Variants in EFTUD2 observed in about 807,000 individuals in gnomAD.
The protein encoded by EFTUD2 is elongation factor Tu GTP binding domain containing 2.
EFTUD2 carries 9 observed loss-of-function variants against 114.3 expected under a neutral mutation model. The ratio of observed to expected loss-of-function variants is 0.08; its 90% CI spans 0.05 to 0.14. The LOEUF (loss-of-function observed/expected upper bound fraction) is 0.14, where lower values mean the gene tolerates loss of function less well. Ranked by LOEUF, EFTUD2 falls within the 10% of genes least tolerant of loss-of-function variation. EFTUD2 has a pLI of 1.00. For synonymous variants in EFTUD2, 449 were observed against 462.3 expected (o/e 0.97, Z 0.37); for missense variants, 765 against 1,241.2 (o/e 0.62, Z 5.76).
rs1194559877 is a variant in EFTUD2, at chr17:44,894,224, G to C, written c.105+193C>G. On this transcript the variant is annotated intron_variant, in intron 2 of 27. Coordinates refer to ENST00000426333, the MANE Select transcript of EFTUD2 (RefSeq NM_004247.4). ...CTCCACGAAAAATAAAAAAAAATTA[G>C]CTGGGCATGGTGGTGCATACCTGTA... is the stretch of plus-strand genomic sequence containing the variant. 12 of 525,312 alleles carry C rather than the reference G, an allele frequency of 2.3e-5. No homozygotes were observed. The East Asian group carries it at 3.8e-4, about 17-fold the overall frequency. The allele number at this position is 525,312 out of a possible 1,614,324, so 32.5% of individuals were successfully genotyped here. A position where few individuals can be genotyped will look rare whatever the true frequency, so the allele number is the denominator to read the frequency against.
At chr17:44,869,516 T>C (rs2050809873) in intron 11 of EFTUD2, among the ~76,000 whole-genome samples, 1 of 152,128 alleles carries the variant, frequency 6.6e-6, no homozygotes. Context: ...CCTAGGCTGG[T>C]TTTGAACTCC....
At chr17:44,870,304 A>G (rs1365946096) in intron 11 of EFTUD2, among the ~76,000 whole-genome samples, 1 of 152,078 alleles carries the variant, frequency 6.6e-6, no homozygotes, top group Non-Finnish European at 1.5e-5. Context: ...ACATGCTCAT[A>G]CAATGGACAT....
At chr17:44,863,893 T>C (rs1357725771) in intron 14 of EFTUD2, 111 bp from the exon 15 acceptor site, 1 of 1,430,226 alleles carries the variant, frequency 7.0e-7, no homozygotes, top group Non-Finnish European at 9.4e-7. Context: ...GGACTGATTG[T>C]TAGCTCTAAA....
chr17:44,893,767 T>TGGGGGG (rs775875878), intron 2 of EFTUD2, among the ~76,000 whole-genome samples: 3 of 85,474 alleles, frequency 3.5e-5, no homozygotes, highest in African/African-American at 9.2e-5. Flanking sequence ...TAAAAAAAGG[T>TGGGGGG]GGGGGGGGGG....
rs2051469239 is a variant in EFTUD2, at chr17:44,899,364, C to T, written c.-5+5G>A. The T allele has an allele frequency of 6.6e-6, 1 of 152,334 alleles. No individual in the cohort carries two copies. Among genetic ancestry groups the T allele is most frequent in the Non-Finnish European group, 1.5e-5 (1 of 68,130 alleles). 9.4% of individuals were successfully genotyped at this position (152,334 alleles called of 1,614,324 possible). A position where few individuals can be genotyped will look rare whatever the true frequency, so the allele number is the denominator to read the frequency against. On this transcript the variant is annotated splice_donor_5th_base_variant and intron_variant, in intron 1 of 27. Transcript: ENST00000426333. ...CTTCCGTGCCGCTGACCCGCTTCAA[C>T]TTACCTCTCGCCTGCTCAGCTAAGA...
intron 9 of EFTUD2, among the ~76,000 whole-genome samples, chr17:44,877,769 G>A (rs1341015358): frequency 2.0e-5 from 3 of 151,690 alleles, no homozygotes; most frequent in East Asian, 1.9e-4. Context: ...TTGCGCCACT[G>A]CACTCCAGCC....
chr17:44,853,070 C>T (rs1436068966), intron 25 of EFTUD2, among the ~76,000 whole-genome samples: 5 of 152,006 alleles, frequency 3.3e-5, no homozygotes, highest in South Asian at 2.1e-4. Context: ...TTAGTAGAGA[C>T]GGGGTTTCAC....
At chr17:44,860,931 G>C (rs532252335) in intron 16 of EFTUD2, among the ~76,000 whole-genome samples, 1 of 152,084 alleles carries the variant, frequency 6.6e-6, no homozygotes, top group Non-Finnish European at 1.5e-5. Flanking sequence ...TACTTGCTGC[G>C]TGCCAAGAGC....
At chr17:44,858,301 T>C (rs2050593939) in intron 19 of EFTUD2, among the ~76,000 whole-genome samples, 1 of 152,158 alleles carries the variant, frequency 6.6e-6, no homozygotes, top group Non-Finnish European at 1.5e-5. Context: ...AGTGGCATGA[T>C]CGTAGCTCAC....
At chr17:44,867,786 A>G (rs2050776400) in intron 13 of EFTUD2, 21 bp downstream of exon 13, 1 of 1,550,518 alleles carries the variant, frequency 6.4e-7, no homozygotes, top group Middle Eastern at 2.2e-4. Flanking sequence ...AGATCTGCCC[A>G]GTGTGACCTG....
At position 44,872,460 on chromosome 17, in the gene EFTUD2, T is replaced by C. The variant is rs2050872591; in HGVS notation, c.980A>G (p.Tyr327Cys). ...CFTLGSFAKIYADTFGDINYQ... is the reference protein window; with the variant it reads ...CFTLGSFAKICADTFGDINYQ... The stretch of plus-strand genomic sequence containing the variant: ...CCAGCGCTTACCAAAGGTGTCGGCA[T>C]AGATCTTGGCAAAGGAGCCCAGCGT... Residue 327 changes from tyrosine (Y) to cysteine (C), a missense_variant, in exon 11 of 28, where the codon TAT (tyrosine) becomes TGT (cysteine). Around this residue, in one of 6 missense-constraint regions of EFTUD2, gnomAD observed 251 missense variants for 357.7 expected, o/e 0.70. Coordinates refer to ENST00000426333, the MANE Select transcript of EFTUD2 (RefSeq NM_004247.4). 8 of 1,612,882 alleles carry C rather than the reference T, an allele frequency of 5.0e-6. No homozygotes were observed. Among genetic ancestry groups the C allele is most frequent in the Non-Finnish European group, 6.8e-6 (8 of 1,179,326 alleles).
intron 25 of EFTUD2, 97 bp from the exon 26 acceptor site, chr17:44,852,659 C>T: frequency 3.6e-6 from 5 of 1,402,714 alleles, no homozygotes; most frequent in Non-Finnish European, 4.9e-6. Context: ...CATTCCAGCC[C>T]AGAGTTACCA....
At chr17:44,862,168 C>T (rs2050670903) in intron 16 of EFTUD2, among the ~76,000 whole-genome samples, 2 of 152,196 alleles carry the variant, frequency 1.3e-5, no homozygotes, top group African/African-American at 2.4e-5. Flanking sequence ...TGTGTGGTGG[C>T]TCACACCTGT....
chr17:44,861,423 T>G, intron 16 of EFTUD2, among the ~76,000 whole-genome samples: 2 of 111,576 alleles, frequency 1.8e-5, no homozygotes, highest in African/African-American at 3.9e-5. Flanking sequence ...CCAGCCTGGC[T>G]GACAGAGAGA....
intron 1 of EFTUD2, among the ~76,000 whole-genome samples, chr17:44,895,390 G>A (rs2051361908): frequency 6.6e-6 from 1 of 151,866 alleles, no homozygotes; most frequent in South Asian, 2.1e-4. Context: ...CAGCTACTCA[G>A]GAGGCTGATA....
At chr17:44,885,020 C>T (rs1259256580) in intron 4 of EFTUD2, among the ~76,000 whole-genome samples, 1 of 152,220 alleles carries the variant, frequency 6.6e-6, no homozygotes, top group African/African-American at 2.4e-5. Flanking sequence ...TGAAGGCTGG[C>T]TTTCAACATC....
rs1280976733 is a variant in EFTUD2 at position 44,851,699 on chromosome 17, G to A, written c.2823+11C>T. ...GGTTGAGGGATGGCAACAGGCCCAA[G>A]GGAGACATACCTTCCTACGGCGGGT... On this transcript the variant is annotated intron_variant, in intron 27 of 27. Transcript: ENST00000426333. 1.3e-6 allele frequency: 2 copies of A among 1,581,140 alleles called. No homozygotes were observed. Among genetic ancestry groups the A allele is most frequent in the South Asian group, 2.4e-5 (2 of 85,006 alleles).
At chr17:44,896,764 G>C (rs1203843652) in intron 1 of EFTUD2, among the ~76,000 whole-genome samples, 1 of 152,228 alleles carries the variant, frequency 6.6e-6, no homozygotes, top group Non-Finnish European at 1.5e-5. Context: ...GGAAGACTTA[G>C]ATTCAAATCC....
In EFTUD2 at chr17:44,886,753, GA is replaced by G; in HGVS notation, c.106-4del. The G allele has an allele frequency of 6.2e-7, 1 of 1,612,400 alleles. No individual in the cohort carries two copies. The highest frequency in any genetic ancestry group is 1.3e-5 in the African/African-American group (1 of 74,982). On this transcript the variant is annotated splice_region_variant and splice_polypyrimidine_tract_variant and intron_variant, in intron 2 of 27. Transcript: ENST00000426333. ...TCGTCGTCGTCATCATCATCCATCT[GA>G]AAGCAAGAGGGAGAGGGAGAATCGA...
Sources: gnomAD v4.1 joint callset for allele counts (sites outside exome capture counted in the v4.1 genomes callset) on GRCh38, gnomAD v4.1.1 for gene constraint, gnomAD v4.1.1 regional missense constraint, MANE v1.5 for transcripts, NCBI Gene and HGNC (gene_info 2026-07-23, HGNC 2026-07-21) for gene names.